COL5A2: variants seen among roughly 807,000 people sequenced by gnomAD.
COL5A2 encodes the protein collagen alpha-2(V) chain.
A neutral mutation model predicts 208.2 loss-of-function variants in COL5A2; 23 were observed. The observed-to-expected ratio is 0.11, with a 90% CI of 0.08 to 0.16. The LOEUF is 0.16. COL5A2 is among the 10% of genes least tolerant of loss of function. The pLI, the probability that COL5A2 is intolerant of heterozygous loss-of-function variation, is 1.00. For synonymous variants in COL5A2, 625 were observed against 628.5 expected, an observed-to-expected ratio of 0.99 and a Z score of 0.08; for missense variants, 1,590 against 1,956.4, an observed-to-expected ratio of 0.81 and a Z score of 3.53.
chr2:189,254,049 G>A, the COL5A2 span, among the ~76,000 whole-genome samples: 1 of 152,214 alleles, frequency 6.6e-6, no homozygotes, highest in African/African-American at 2.4e-5. Flanking sequence ...TCTCCTTGTA[G>A]TCAATACTTA....
chr2:189,172,218 G>A (rs1299298255), intron 1 of COL5A2, among the ~76,000 whole-genome samples: 1 of 152,142 alleles, frequency 6.6e-6, no homozygotes, highest in East Asian at 1.9e-4. Flanking sequence ...TTGTTTACAA[G>A]CTAAAGGGAA....
At chr2:189,094,245 A>G (rs532541837) in intron 6 of COL5A2, among the ~76,000 whole-genome samples, 1 of 152,288 alleles carries the variant, frequency 6.6e-6, no homozygotes, top group Admixed American at 6.5e-5. Flanking sequence ...AAAATTAATA[A>G]AAACGTCTAT....
At chr2:189,049,489 A>G in intron 43 of COL5A2, 35 bp from the exon 44 acceptor site, 2 of 1,525,144 alleles carry the variant, frequency 1.3e-6, no homozygotes, top group East Asian at 4.5e-5. Flanking sequence ...ACACTTGTGA[A>G]GAAATTGAAG....
chr2:189,310,960 T>A, the COL5A2 span, among the ~76,000 whole-genome samples: 2 of 152,054 alleles, frequency 1.3e-5, no homozygotes, highest in South Asian at 2.1e-4. Context: ...GAGGTGGGGA[T>A]GTTTAATGAG....
At chr2:189,101,640 TA>T (rs1183246170) in intron 3 of COL5A2, among the ~76,000 whole-genome samples, 1 of 152,110 alleles carries the variant, frequency 6.6e-6, no homozygotes, top group Non-Finnish European at 1.5e-5. Context: ...ACAATCTACT[TA>T]TATCCTTCCA....
chr2:189,336,946 T>C, the COL5A2 span, among the ~76,000 whole-genome samples: 43 of 152,342 alleles, frequency 2.8e-4, 1 homozygote, highest in East Asian at 8.1e-3. Flanking sequence ...TCAAAGAGTT[T>C]AGATTCAGGT....
the COL5A2 span, among the ~76,000 whole-genome samples, chr2:189,237,251 T>C: frequency 6.6e-6 from 1 of 151,778 alleles, no homozygotes; most frequent in Non-Finnish European, 1.5e-5. Context: ...CCACCATATA[T>C]GCTTTATTTG....
the COL5A2 span, among the ~76,000 whole-genome samples, chr2:189,401,741 T>C: frequency 6.6e-6 from 1 of 152,220 alleles, no homozygotes; most frequent in Non-Finnish European, 1.5e-5. Context: ...CTTTTGACTT[T>C]TTAATATTAA....
the COL5A2 span, among the ~76,000 whole-genome samples, chr2:189,301,362 G>T: frequency 6.6e-6 from 1 of 152,124 alleles, no homozygotes; most frequent in Admixed American, 6.5e-5. Context: ...TTAAAGCCAA[G>T]TAAAATAATG....
chr2:189,067,792 A>T (rs1294743454), intron 21 of COL5A2, among the ~76,000 whole-genome samples: 2 of 152,214 alleles, frequency 1.3e-5, no homozygotes, highest in Non-Finnish European at 2.9e-5. Context: ...TATTTTAAAT[A>T]AAAGAACACT....
the COL5A2 span, among the ~76,000 whole-genome samples, chr2:189,407,036 T>C: frequency 6.6e-6 from 1 of 152,164 alleles, no homozygotes; most frequent in East Asian, 1.9e-4. Context: ...TATTAACTTA[T>C]ACTGTCTGTA....
chr2:189,115,775 T>C (rs777178375), intron 1 of COL5A2, among the ~76,000 whole-genome samples: 3 of 152,206 alleles, frequency 2.0e-5, no homozygotes, highest in Admixed American at 6.5e-5. Flanking sequence ...ATGTGTAGCA[T>C]TGATGAATGC....
chr2:189,382,247 T>A, the COL5A2 span, among the ~76,000 whole-genome samples: 50 of 152,146 alleles, frequency 3.3e-4, no homozygotes, highest in African/African-American at 1.2e-3. Context: ...TTTAAGACAA[T>A]TAAAAATATT....
intron 1 of COL5A2, among the ~76,000 whole-genome samples, chr2:189,141,075 A>T (rs1687924961): frequency 6.6e-6 from 1 of 152,132 alleles, no homozygotes; most frequent in Non-Finnish European, 1.5e-5. Flanking sequence ...TTTAATAGAG[A>T]TGTGCTTTCA....
chr2:189,137,698 G>A (rs186470847), intron 1 of COL5A2, among the ~76,000 whole-genome samples: 118 of 152,254 alleles, frequency 7.8e-4, no homozygotes, highest in East Asian at 4.4e-3. Flanking sequence ...ACAGTGAGTT[G>A]GGGGCGGGGG....
the COL5A2 span, among the ~76,000 whole-genome samples, chr2:189,380,779 G>T: frequency 3.9e-5 from 6 of 151,968 alleles, no homozygotes; most frequent in East Asian, 1.2e-3. Flanking sequence ...GAAAATAATA[G>T]AACAGTATCT....
the COL5A2 span, among the ~76,000 whole-genome samples, chr2:189,419,861 T>G: frequency 3.3e-4 from 35 of 105,648 alleles, no homozygotes; most frequent in South Asian, 5.8e-4. Flanking sequence ...GGAAAAGAGG[T>G]GAGAGGAGAG....
At chr2:189,109,135 T>C (rs1576532705) in intron 2 of COL5A2, among the ~76,000 whole-genome samples, 1 of 152,018 alleles carries the variant, frequency 6.6e-6, no homozygotes, top group African/African-American at 2.4e-5. Context: ...GACCAACTAT[T>C]TGAAGGAGAC....
At chr2:189,034,831 C>T in intron 53 of COL5A2, 85 bp downstream of exon 53, 3 of 1,535,444 alleles carry the variant, frequency 2.0e-6, no homozygotes, top group Non-Finnish European at 2.7e-6. Flanking sequence ...GTAAAATTGC[C>T]CCCAGTTCTA....
Sources: gnomAD v4.1 joint callset for allele counts (sites outside exome capture counted in the v4.1 genomes callset) on GRCh38, gnomAD v4.1.1 for gene constraint, MANE v1.5 for transcripts, NCBI Gene and HGNC (gene_info 2026-07-23, HGNC 2026-07-21) for gene names.